The following LRRC37A3 variants were observed in gnomAD, a reference collection of about 807,000 sequenced individuals.
LRRC37A3 encodes leucine rich repeat containing 37 member A3, also known as leucine-rich repeat-containing protein 37A3.
A neutral mutation model predicts 106.2 loss-of-function variants in LRRC37A3; 25 were observed. The observed-to-expected ratio is 0.24, with a 90% confidence interval of 0.17 to 0.33. The LOEUF (loss-of-function observed/expected upper bound fraction) is 0.33, where lower values mean the gene tolerates loss of function less well. Among genes scored for constraint, LRRC37A3 ranks in the 10% least tolerant of loss-of-function variants. The pLI is 1.00. For missense variants in LRRC37A3, 712 were observed against 1,644.9 expected, an observed-to-expected ratio of 0.43 and a Z score of 9.81; for synonymous variants, 305 against 635.8, an observed-to-expected ratio of 0.48 and a Z score of 7.83.
At chr17:64,910,759 CTCACT>C (rs1240367826) in intron 2 of LRRC37A3, among the ~76,000 whole-genome samples, 2 of 147,652 alleles carry the variant, frequency 1.4e-5, no homozygotes, top group Non-Finnish European at 3.0e-5. Flanking sequence ...ACTCGCCTGC[CTCACT>C]TCAAGTAGCT....
chr17:64,914,649 T>C (rs1215862048), intron 2 of LRRC37A3, among the ~76,000 whole-genome samples: 17 of 147,394 alleles, frequency 1.2e-4, no homozygotes, highest in Admixed American at 1.0e-3. Context: ...GGCAGGAGGA[T>C]TGCTTGAGCA....
At chr17:64,854,706 C>T in intron 14 of LRRC37A3, 62 bp from the exon 15 acceptor site, 5 of 1,612,128 alleles carry the variant, frequency 3.1e-6, no homozygotes, top group Non-Finnish European at 4.2e-6. Flanking sequence ...AGCTTCTCAC[C>T]CCCTCCTCAT....
intron 10 of LRRC37A3, chr17:64,863,599 T>C (rs1165114014): frequency 6.6e-6 from 1 of 152,670 alleles, no homozygotes; most frequent in East Asian, 1.9e-4. Flanking sequence ...AGAGGGGGAG[T>C]TCTTCTTCAA....
chr17:64,859,670 C>A lies in LRRC37A3; in HGVS notation c.4476G>T (p.Arg1492Ser). 1 of 1,613,708 alleles carries A rather than the reference C, an allele frequency of 6.2e-7. No individual in the cohort carries two copies. Among genetic ancestry groups the A allele is most frequent in the Non-Finnish European group, 8.5e-7 (1 of 1,180,000 alleles). Reference sequence around the variant, plus strand: ...AGGTCCGGATAACATGAGCAATGAGCCTTCTCACATTGTTGTTGGGGATAA... The same window carrying A: ...AGGTCCGGATAACATGAGCAATGAGACTTCTCACATTGTTGTTGGGGATAA... ...QSVIPNNNVR[R>S]LIAHVIRTLK... Residue 1492 changes from arginine to serine, a missense_variant, in exon 12 of 15, where the codon AGG (arginine) becomes AGT (serine). Transcript: ENST00000584306.
intron 2 of LRRC37A3, among the ~76,000 whole-genome samples, chr17:64,916,967 C>T (rs534057399): frequency 9.9e-5 from 15 of 151,260 alleles, no homozygotes; most frequent in African/African-American, 3.2e-4. Context: ...AACTTGAGGC[C>T]GGGCGCAGTG....
chr17:64,913,122 G>A lies in LRRC37A3; in HGVS notation c.-496+5628C>T, dbSNP rs553077760. ...TGGCTTACTGCAACCTCTGCCTCCC[G>A]GCTTCAAGCAATTCTCTGGCCTCAG... is the stretch of plus-strand genomic sequence containing the variant. On this transcript the variant is annotated intron_variant, in intron 2 of 14. Transcript: ENST00000584306. Among the ~76,000 whole-genome samples the A allele has an allele frequency of 6.6e-3, 990 of 150,984 alleles. 8 individuals are homozygous for A. The highest frequency in any genetic ancestry group is 0.02 in the African/African-American group (832 of 40,964).
chr17:64,857,768 TA>T lies in LRRC37A3; in HGVS notation c.4809+1010del, dbSNP rs1354603535. Among the ~76,000 whole-genome samples, 20 of 152,120 alleles carry T rather than the reference TA, an allele frequency of 1.3e-4. No individual in the cohort carries two copies. The East Asian group carries it at 3.7e-3, about 28-fold the overall frequency. Reference sequence around the variant, plus strand: ...TAGGACTCCCACAGGCAGGGTGAAATAAGGGCATTTTAGATGGACAAACACA... The same window carrying T: ...TAGGACTCCCACAGGCAGGGTGAAATAGGGCATTTTAGATGGACAAACACA... On this transcript the variant is annotated intron_variant, in intron 13 of 14. Coordinates refer to ENST00000584306, the MANE Select transcript of LRRC37A3 (RefSeq NM_199340.5).
chr17:64,858,977 AG>A, intron 12 of LRRC37A3, 94 bp from the exon 13 acceptor site: 1 of 866,754 alleles, frequency 1.2e-6, no homozygotes, highest in Non-Finnish European at 1.8e-6. Context: ...TTTTTGAAAG[AG>A]GGTCTCACTC....
intron 1 of LRRC37A3, 55 bp from the exon 2 acceptor site, chr17:64,918,925 A>C: frequency 1.2e-6 from 1 of 803,202 alleles, no homozygotes; most frequent in Non-Finnish European, 1.7e-6. Flanking sequence ...TAGTGACTAC[A>C]CCACTTTGTT....
chr17:64,865,100 A>ACC (rs1005913286), intron 10 of LRRC37A3, among the ~76,000 whole-genome samples: 1 of 152,152 alleles, frequency 6.6e-6, no homozygotes, highest in African/African-American at 2.4e-5. Context: ...CGGAACCGTA[A>ACC]CCCAGCATTT....
chr17:64,860,663 C>T lies in LRRC37A3; in HGVS notation c.3483G>A (p.Arg1161=). The change falls in exon 12 of 15, where the codon CGG becomes CGA. Residue 1161 remains arginine, a synonymous_variant. Transcript: ENST00000584306. The part of the protein sequence containing the change: ...LAKIQTVGKN[R]QRLNRVLMGP... The stretch of plus-strand genomic sequence containing the variant: ...CCATGAGGACTCTATTCAGTCTCTG[C>T]CGGTTTTTGCCTACAGTTTGAATCT... 1.2e-6 allele frequency: 2 copies of T among 1,613,988 alleles called. No individual in the cohort carries two copies. Among genetic ancestry groups the T allele is most frequent in the South Asian group, 2.2e-5 (2 of 91,074 alleles).
chr17:64,860,705 T>C lies in LRRC37A3; in HGVS notation c.3441A>G (p.Thr1147=), dbSNP rs760177805. The stretch of plus-strand genomic sequence containing the variant: ...TTTGAATCTTTGCCAGGCTGTTTCC[T>C]GTGGTTGGCAGTTTAATGAACGGTA... ...LLLPFIKLPT[T]GNSLAKIQTV... Residue 1147 remains threonine, a synonymous_variant, in exon 12 of 15, where the codon ACA becomes ACG. Transcript: ENST00000584306. 3 of 1,614,030 alleles carry C rather than the reference T, an allele frequency of 1.9e-6. No individual in the cohort carries two copies. The East Asian group carries it at 6.7e-5, about 36-fold the overall frequency.
At chr17:64,864,167 T>C (rs1790807139) in intron 10 of LRRC37A3, among the ~76,000 whole-genome samples, 2 of 151,984 alleles carry the variant, frequency 1.3e-5, no homozygotes, top group Non-Finnish European at 2.9e-5. Context: ...ATCACCTTAG[T>C]CAAGTGATCA....
At chr17:64,917,688 C>T (rs1488510023) in intron 2 of LRRC37A3, among the ~76,000 whole-genome samples, 1 of 152,158 alleles carries the variant, frequency 6.6e-6, no homozygotes, top group East Asian at 1.9e-4. Flanking sequence ...TCAAACAGGC[C>T]GGGCGCGATG....
intron 8 of LRRC37A3, among the ~76,000 whole-genome samples, chr17:64,875,188 C>A (rs554771454): frequency 3.9e-5 from 6 of 152,178 alleles, no homozygotes; most frequent in Non-Finnish European, 8.8e-5. Flanking sequence ...AAGGTGACAG[C>A]ATTGCTTAAG....
chr17:64,862,686 A>G (rs1244104166), intron 11 of LRRC37A3, among the ~76,000 whole-genome samples: 2 of 152,212 alleles, frequency 1.3e-5, no homozygotes, highest in African/African-American at 4.8e-5. Flanking sequence ...CTTTGTGCAT[A>G]TGGAACAGTT....
intron 12 of LRRC37A3, among the ~76,000 whole-genome samples, chr17:64,859,091 T>C (rs1309537274): frequency 3.9e-5 from 6 of 152,088 alleles, no homozygotes; most frequent in Non-Finnish European, 8.8e-5. Context: ...TAGCTGGGAC[T>C]ACAGGCACGT....
chr17:64,871,532 AG>A, intron 8 of LRRC37A3: 1 of 151,954 alleles, frequency 6.6e-6, no homozygotes, highest in East Asian at 1.9e-4. Flanking sequence ...GCTGGAGAGC[AG>A]TGGCTATTCA....
chr17:64,869,169 G>A lies in LRRC37A3; in HGVS notation c.2907-3C>T. Reference sequence around the variant, plus strand: ...TCAGAGGATTGTGATTGAGAATTCTGAAAAATGGAATGGAATTAAAATAAC... The same window carrying A: ...TCAGAGGATTGTGATTGAGAATTCTAAAAAATGGAATGGAATTAAAATAAC... On this transcript the variant is annotated splice_polypyrimidine_tract_variant and splice_region_variant and intron_variant, in intron 8 of 14. Transcript: ENST00000584306. 1 of 1,607,746 alleles carries A rather than the reference G, an allele frequency of 6.2e-7. No homozygotes were observed. Among genetic ancestry groups the A allele is most frequent in the East Asian group, 2.2e-5 (1 of 44,754 alleles).
Sources: allele counts gnomAD v4.1 joint callset (sites outside exome capture counted in the v4.1 genomes callset), GRCh38; gene constraint gnomAD v4.1.1; transcripts MANE v1.5; gene names NCBI Gene and HGNC (gene_info 2026-07-23, HGNC 2026-07-21).